Variants in NAALAD2 observed in about 807,000 individuals in gnomAD.
NAALAD2 encodes the protein N-acetylated alpha-linked acidic dipeptidase 2, also known as N-acetylated-alpha-linked acidic dipeptidase 2.
A neutral mutation model predicts 95.6 loss-of-function variants in NAALAD2; 89 were observed. The observed-to-expected ratio is 0.93, with a 90% CI of 0.78 to 1.11. NAALAD2 has a LOEUF of 1.11. Ranked by LOEUF, NAALAD2 falls within the 50% of genes least tolerant of loss-of-function variation. NAALAD2 has a pLI of 0.00. For synonymous variants in NAALAD2, 264 were observed against 294.4 expected (o/e 0.90, Z 1.06); for missense variants, 894 against 872.4 (o/e 1.02, Z -0.31).
chr11:90,178,160 A>G, intron 16 of NAALAD2, 43 bp downstream of exon 16: 1 of 1,548,554 alleles, frequency 6.5e-7, no homozygotes, highest in African/African-American at 1.4e-5. Flanking sequence ...TTTAAGTTAG[A>G]GCTTTAAGAT....
intron 18 of NAALAD2, 61 bp downstream of exon 18, chr11:90,183,069 GC>G: frequency 8.0e-7 from 1 of 1,256,402 alleles, no homozygotes; most frequent in Non-Finnish European, 1.2e-6. Flanking sequence ...CCTAAAGTTG[GC>G]TTTAAACTAA....
intron 6 of NAALAD2, among the ~76,000 whole-genome samples, chr11:90,154,874 G>C (rs570168054): frequency 8.7e-6 from 1 of 115,484 alleles, no homozygotes; most frequent in Non-Finnish European, 1.7e-5. Flanking sequence ...TATTATATAC[G>C]TATACATAAT....
chr11:90,140,221 A>G (rs77798614), intron 2 of NAALAD2, among the ~76,000 whole-genome samples: 5,817 of 152,226 alleles, frequency 0.038, 157 homozygotes, highest in Non-Finnish European at 0.057. Flanking sequence ...CTACAAAAGT[A>G]TTACTGTAGT....
chr11:90,134,771 AG>A lies in NAALAD2; in HGVS notation c.17del (p.Gly6AlafsTer17). 1.2e-6 allele frequency: 2 copies of A among 1,614,020 alleles called. No homozygotes were observed. Among genetic ancestry groups the A allele is most frequent in the Non-Finnish European group, 1.7e-6 (2 of 1,180,014 alleles). MAES[R>X]GRLYLWMCLA... ...TCCTCAAGAAGCCATGGCGGAATCC[AG>A]GGGCCGTCTGTACCTTTGGATGTGC... On this transcript the variant is annotated frameshift_variant, in exon 1 of 19. Transcript: ENST00000534061. LOFTEE classifies it high-confidence loss of function.
In NAALAD2 at chr11:90,162,997, C is replaced by T. The variant is rs769202397; in HGVS notation, c.1038C>T (p.Tyr346=). The T allele has an allele frequency of 2.0e-5, 32 of 1,573,336 alleles. No individual in the cohort carries two copies. In the East Asian group the frequency reaches 7.0e-4, roughly 35 times the overall value. ...ACATCAATAAAATTACAAGGATTTACAATGTAGTTGGAACTATCAGAGGAT... is the reference window on the plus strand; with the variant it reads ...ACATCAATAAAATTACAAGGATTTATAATGTAGTTGGAACTATCAGAGGAT... ...VYNINKITRI[Y]NVVGTIRGSV... The change falls in exon 9 of 19, where the codon TAC becomes TAT. Residue 346 remains tyrosine, a synonymous_variant. Transcript: ENST00000534061.
At chr11:90,179,511 A>C (rs763320397) in intron 16 of NAALAD2, among the ~76,000 whole-genome samples, 1 of 152,166 alleles carries the variant, frequency 6.6e-6, no homozygotes, top group Non-Finnish European at 1.5e-5. Context: ...ATACAGGATT[A>C]GTAATAATAG....
At chr11:90,176,097 T>G in intron 15 of NAALAD2, 35 bp downstream of exon 15, 2 of 1,496,690 alleles carry the variant, frequency 1.3e-6, no homozygotes, top group Non-Finnish European at 1.9e-6. Flanking sequence ...ATATAACATT[T>G]CATCTACAGT....
intron 18 of NAALAD2, among the ~76,000 whole-genome samples, chr11:90,186,872 C>T (rs1272558267): frequency 7.3e-6 from 1 of 137,444 alleles, no homozygotes; most frequent in Non-Finnish European, 1.6e-5. Context: ...AAGAAACTAC[C>T]ATCAGAGTGA....
At chr11:90,143,764 C>T (rs1435116495) in intron 2 of NAALAD2, among the ~76,000 whole-genome samples, 1 of 152,106 alleles carries the variant, frequency 6.6e-6, no homozygotes, top group Admixed American at 6.5e-5. Flanking sequence ...AATTTTTCAA[C>T]TTTATGATGG....
At chr11:90,153,862 A>G (rs903866219) in intron 6 of NAALAD2, among the ~76,000 whole-genome samples, 1 of 152,096 alleles carries the variant, frequency 6.6e-6, no homozygotes, top group Non-Finnish European at 1.5e-5. Flanking sequence ...TGAAAGCATT[A>G]TTCTATTTCT....
chr11:90,145,305 C>T (rs1401530425), intron 2 of NAALAD2, among the ~76,000 whole-genome samples: 1 of 152,104 alleles, frequency 6.6e-6, no homozygotes, highest in African/African-American at 2.4e-5. Flanking sequence ...GGATGTTCTA[C>T]CTTCCTACTC....
At chr11:90,180,648 G>A (rs1263709367) in intron 16 of NAALAD2, among the ~76,000 whole-genome samples, 2 of 151,890 alleles carry the variant, frequency 1.3e-5, no homozygotes, top group African/African-American at 2.4e-5. Flanking sequence ...TGCACCACAG[G>A]ATTGATGCAA....
At chr11:90,159,953 T>TAAA (rs759940395) in intron 8 of NAALAD2, among the ~76,000 whole-genome samples, 2 of 75,448 alleles carry the variant, frequency 2.7e-5, no homozygotes, top group African/African-American at 4.5e-5. Context: ...AAACTCCATC[T>TAAA]AAAAAAAAAA....
Position 90,152,457 on chromosome 11 carries a change from C to A in NAALAD2, c.769C>A (p.Pro257Thr), listed in dbSNP as rs1951914674. The A allele has an allele frequency of 6.2e-7, 1 of 1,612,740 alleles. No individual in the cohort carries two copies. The highest frequency in any genetic ancestry group is 8.5e-7 in the Non-Finnish European group (1 of 1,179,076). ...GTTAAATTTGAATGGTGCTGGTGAC[C>A]CACTCACTCCAGGCTATCCAGCAAA... ...NVLNLNGAGD[P>T]LTPGYPAKEY... Residue 257 changes from proline (P) to threonine (T), a missense_variant, in exon 6 of 19, where the codon CCA becomes ACA. Pro to Thr is a conservative substitution (Grantham distance 38). Transcript: ENST00000534061.
At chr11:90,169,207 C>A in intron 12 of NAALAD2, 1 of 410,250 alleles carries the variant, frequency 2.4e-6, no homozygotes, top group Non-Finnish European at 4.3e-6. Flanking sequence ...TGATATGATT[C>A]ATAACTAAGC....
intron 7 of NAALAD2, chr11:90,158,722 C>A (rs1348746432): frequency 1.2e-5 from 2 of 171,330 alleles, no homozygotes; most frequent in East Asian, 3.6e-4. Context: ...ATACATAGCA[C>A]CGTATTTAGA....
chr11:90,144,953 G>T (rs1172782349), intron 2 of NAALAD2, among the ~76,000 whole-genome samples: 1 of 151,960 alleles, frequency 6.6e-6, no homozygotes, highest in Non-Finnish European at 1.5e-5. Context: ...TTTTAACAGA[G>T]CCTCAACTTT....
intron 6 of NAALAD2, among the ~76,000 whole-genome samples, chr11:90,155,594 GTAA>G (rs1366274197): frequency 3.0e-5 from 1 of 32,900 alleles, no homozygotes; most frequent in East Asian, 8.6e-4. Context: ...TAATATATAT[GTAA>G]TAATATATAT....
chr11:90,143,734 C>A (rs1182764186), intron 2 of NAALAD2, among the ~76,000 whole-genome samples: 3 of 152,138 alleles, frequency 2.0e-5, no homozygotes, highest in Admixed American at 2.0e-4. Context: ...CAATCCCTGA[C>A]TTATGATGGT....
Sources: allele counts gnomAD v4.1 joint callset (sites outside exome capture counted in the v4.1 genomes callset), GRCh38; gene constraint gnomAD v4.1.1; transcripts MANE v1.5; gene names NCBI Gene and HGNC (gene_info 2026-07-23, HGNC 2026-07-21).